KCNH8: variants seen among roughly 807,000 people sequenced by gnomAD.
KCNH8 encodes the protein voltage-gated delayed rectifier potassium channel KCNH8.
KCNH8 carries 70 observed loss-of-function variants against 103.6 expected under a neutral mutation model. That is an observed-to-expected ratio of 0.68 (90% CI 0.56 to 0.82). KCNH8 has a LOEUF of 0.82. Among genes scored for constraint, KCNH8 ranks in the 40% least tolerant of loss-of-function variants. The pLI is 0.00. For synonymous variants in KCNH8, 498 were observed against 489.4 expected (o/e 1.02, Z -0.23); for missense variants, 1,217 against 1,329.9 (o/e 0.92, Z 1.32).
intron 7 of KCNH8, among the ~76,000 whole-genome samples, chr3:19,418,927 G>A (rs1256333655): frequency 2.0e-5 from 3 of 152,016 alleles, no homozygotes; most frequent in African/African-American, 7.2e-5. Flanking sequence ...ACTAATGGTG[G>A]GAATATTTCC....
At chr3:19,381,192 A>C (rs1298156973) in intron 5 of KCNH8, among the ~76,000 whole-genome samples, 1 of 151,200 alleles carries the variant, frequency 6.6e-6, no homozygotes, top group Non-Finnish European at 1.5e-5. Context: ...GCATCTGACA[A>C]ATAAGCCATT....
intron 11 of KCNH8, among the ~76,000 whole-genome samples, chr3:19,488,196 C>T (rs1479040505): frequency 6.6e-6 from 1 of 152,092 alleles, no homozygotes; most frequent in East Asian, 1.9e-4. Flanking sequence ...TTCTAATGTC[C>T]TATTTCCTTA....
At chr3:19,184,235 T>A (rs942343548) in intron 1 of KCNH8, among the ~76,000 whole-genome samples, 1 of 151,998 alleles carries the variant, frequency 6.6e-6, no homozygotes, top group African/African-American at 2.4e-5. Context: ...CTTATGAAAT[T>A]GAACCACCTA....
chr3:19,230,133 C>T (rs2063977783), intron 1 of KCNH8, among the ~76,000 whole-genome samples: 1 of 152,104 alleles, frequency 6.6e-6, no homozygotes, highest in African/African-American at 2.4e-5. Context: ...TTCACTATCA[C>T]AATAACAGTA....
chr3:19,508,752 C>T (rs912326713), intron 11 of KCNH8, among the ~76,000 whole-genome samples: 1 of 152,114 alleles, frequency 6.6e-6, no homozygotes. Context: ...TCAGAATCTG[C>T]ATTTTAATGA....
chr3:19,266,763 T>C (rs965290536), intron 2 of KCNH8, among the ~76,000 whole-genome samples: 1 of 152,168 alleles, frequency 6.6e-6, no homozygotes, highest in Non-Finnish European at 1.5e-5. Flanking sequence ...CGTCTCCCTA[T>C]ATTCTCACAT....
intron 7 of KCNH8, among the ~76,000 whole-genome samples, chr3:19,430,667 G>A (rs1475202979): frequency 6.6e-6 from 1 of 152,062 alleles, no homozygotes; most frequent in East Asian, 1.9e-4. Flanking sequence ...CTTGAGCAGT[G>A]TTTTGTAGTT....
At chr3:19,275,218 G>A (rs939454331) in intron 2 of KCNH8, among the ~76,000 whole-genome samples, 1 of 151,814 alleles carries the variant, frequency 6.6e-6, no homozygotes, top group Admixed American at 6.6e-5. Context: ...TGTTTATTCT[G>A]CCAGTGTTTT....
At chr3:19,264,373 T>A (rs1301092082) in intron 2 of KCNH8, among the ~76,000 whole-genome samples, 1 of 152,130 alleles carries the variant, frequency 6.6e-6, no homozygotes, top group Admixed American at 6.6e-5. Context: ...TTTCTTCTTT[T>A]CGTCTATCTG....
At chr3:19,193,981 T>C (rs911817725) in intron 1 of KCNH8, among the ~76,000 whole-genome samples, 1 of 151,722 alleles carries the variant, frequency 6.6e-6, no homozygotes, top group Non-Finnish European at 1.5e-5. Flanking sequence ...TATGGAACAA[T>C]TTTGATAAGG....
intron 10 of KCNH8, among the ~76,000 whole-genome samples, chr3:19,453,475 C>T (rs1449182657): frequency 6.6e-6 from 1 of 151,972 alleles, no homozygotes; most frequent in Non-Finnish European, 1.5e-5. Context: ...GTATTGAATC[C>T]CTCATATGAG....
intron 5 of KCNH8, among the ~76,000 whole-genome samples, chr3:19,376,015 G>C (rs2066192305): frequency 2.0e-5 from 3 of 152,126 alleles, no homozygotes; most frequent in East Asian, 1.9e-4. Context: ...TGTCAGACAG[G>C]GACATTTAAG....
intron 1 of KCNH8, among the ~76,000 whole-genome samples, chr3:19,246,286 T>G (rs926656226): frequency 2.4e-4 from 34 of 143,870 alleles, no homozygotes; most frequent in Non-Finnish European, 4.9e-4. Flanking sequence ...TTTTTTTTTT[T>G]TTTTTTTTTT....
rs184025673 is a variant in KCNH8 at position 19,347,129 on chromosome 3, G to A, written c.571-596G>A. 3.4e-4 allele frequency among the ~76,000 whole-genome samples: 51 copies of A among 152,142 alleles called. 1 individual carries two copies. Among genetic ancestry groups the A allele is most frequent in the Non-Finnish European group, 4.9e-4 (33 of 67,980 alleles). ...TCAGAGTGCATCTGTGTCAGTCAAG[G>A]TAACGAGATTTGGGTTCCCAACTTC... On this transcript the variant is annotated intron_variant, in intron 4 of 15. Transcript: ENST00000328405.
intron 1 of KCNH8, among the ~76,000 whole-genome samples, chr3:19,160,465 C>A (rs1190849959): frequency 2.6e-5 from 4 of 152,038 alleles, no homozygotes; most frequent in African/African-American, 9.7e-5. Flanking sequence ...GAACAACATC[C>A]TCAGCCCCAA....
intron 11 of KCNH8, among the ~76,000 whole-genome samples, chr3:19,462,613 T>TGCAGGCAC (rs2067656106): frequency 6.6e-6 from 1 of 152,206 alleles, no homozygotes; most frequent in Non-Finnish European, 1.5e-5. Flanking sequence ...CTGATGGTAG[T>TGCAGGCAC]TTCTTTTGCT....
intron 2 of KCNH8, among the ~76,000 whole-genome samples, chr3:19,254,755 C>T (rs2064325778): frequency 6.6e-6 from 1 of 151,936 alleles, no homozygotes; most frequent in Non-Finnish European, 1.5e-5. Flanking sequence ...AACATAATCC[C>T]CTGAGTTTTA....
intron 1 of KCNH8, among the ~76,000 whole-genome samples, chr3:19,158,605 TA>T (rs2063203926): frequency 6.6e-6 from 1 of 151,902 alleles, no homozygotes; most frequent in Admixed American, 6.6e-5. Flanking sequence ...GAGTTCTCAA[TA>T]AAACATTTTG....
chr3:19,477,800 A>C (rs2068007531), intron 11 of KCNH8, among the ~76,000 whole-genome samples: 1 of 152,162 alleles, frequency 6.6e-6, no homozygotes, highest in Non-Finnish European at 1.5e-5. Flanking sequence ...ACATTTAGGA[A>C]ATACAAGTAC....
Sources: allele counts gnomAD v4.1 joint callset (sites outside exome capture counted in the v4.1 genomes callset), GRCh38; gene constraint gnomAD v4.1.1; transcripts MANE v1.5; gene names NCBI Gene and HGNC (gene_info 2026-07-23, HGNC 2026-07-21).